Variants in DCAF6 observed in about 807,000 individuals in gnomAD.
DCAF6 encodes the protein DDB1- and CUL4-associated factor 6.
A neutral mutation model predicts 125.1 loss-of-function variants in DCAF6; 54 were observed. The observed-to-expected ratio is 0.43, with a 90% CI of 0.35 to 0.54. The LOEUF is 0.54. Among genes scored for constraint, DCAF6 ranks in the 20% least tolerant of loss-of-function variants. The pLI is 0.01. For synonymous variants in DCAF6, 371 were observed against 390.4 expected, an observed-to-expected ratio of 0.95 and a Z score of 0.58; for missense variants, 934 against 1,161.7, an observed-to-expected ratio of 0.80 and a Z score of 2.85.
the DCAF6 span, chr1:167,903,777 G>A: frequency 1.3e-6 from 1 of 776,480 alleles, no homozygotes; most frequent in Non-Finnish European, 2.3e-6. Flanking sequence ...CATTTCATGG[G>A]GAAGAGGAGG....
chr1:168,024,782 C>T (rs1686122536), intron 12 of DCAF6, among the ~76,000 whole-genome samples: 1 of 143,210 alleles, frequency 7.0e-6, no homozygotes, highest in Non-Finnish European at 1.5e-5. Flanking sequence ...CCAGCCTGGG[C>T]AGCAGAGTGA....
At chr1:167,921,558 T>G in the DCAF6 span, among the ~76,000 whole-genome samples, 2 of 152,156 alleles carry the variant, frequency 1.3e-5, no homozygotes. Context: ...CATCAGCATA[T>G]ACATGGCCAT....
At chr1:168,054,459 C>CT (rs773595864) in intron 17 of DCAF6, among the ~76,000 whole-genome samples, 1 of 152,148 alleles carries the variant, frequency 6.6e-6, no homozygotes, top group Non-Finnish European at 1.5e-5. Flanking sequence ...ATCCAATCAC[C>CT]TTTTAAAGAC....
At chr1:167,898,804 C>T in the DCAF6 span, among the ~76,000 whole-genome samples, 1 of 152,164 alleles carries the variant, frequency 6.6e-6, no homozygotes, top group Admixed American at 6.5e-5. Context: ...TTCTTTCTGC[C>T]GCGTAGTCCC....
the DCAF6 span, chr1:167,904,948 G>A: frequency 1.2e-6 from 2 of 1,613,870 alleles, no homozygotes; most frequent in Admixed American, 1.7e-5. Context: ...TCCCACGCGA[G>A]CCTGTTGCTC....
chr1:167,924,580 A>G, the DCAF6 span: 1 of 1,399,788 alleles, frequency 7.1e-7, no homozygotes, highest in South Asian at 1.4e-5. Context: ...TAAACCAAAT[A>G]TATTATACAC....
chr1:168,000,567 A>C (rs1356331357), intron 7 of DCAF6, among the ~76,000 whole-genome samples: 1 of 152,186 alleles, frequency 6.6e-6, no homozygotes, highest in Non-Finnish European at 1.5e-5. Flanking sequence ...TGCTTAATTC[A>C]GCATTATTCA....
intron 12 of DCAF6, among the ~76,000 whole-genome samples, chr1:168,033,922 C>T (rs1285686812): frequency 1.3e-5 from 2 of 152,186 alleles, no homozygotes; most frequent in Non-Finnish European, 2.9e-5. Flanking sequence ...GTGCTGAGCA[C>T]ACTACAAATA....
At chr1:167,982,926 C>T (rs1254057528) in intron 4 of DCAF6, among the ~76,000 whole-genome samples, 1 of 152,128 alleles carries the variant, frequency 6.6e-6, no homozygotes, top group African/African-American at 2.4e-5. Flanking sequence ...GGAGTCCTTT[C>T]CCCATTGCTT....
chr1:167,941,744 T>G (rs980629047), intron 1 of DCAF6, among the ~76,000 whole-genome samples: 1 of 152,224 alleles, frequency 6.6e-6, no homozygotes, highest in Admixed American at 6.5e-5. Flanking sequence ...TAAAAAAATT[T>G]TTTTTTAAAC....
the DCAF6 span, among the ~76,000 whole-genome samples, chr1:167,879,389 C>T: frequency 3.5e-4 from 53 of 152,216 alleles, 1 homozygote; most frequent in Non-Finnish European, 6.5e-4. Context: ...GTCACTTTAA[C>T]ATAAACTTGA....
chr1:168,072,236 G>A (rs2102024803), intron 21 of DCAF6, among the ~76,000 whole-genome samples: 1 of 130,820 alleles, frequency 7.6e-6, no homozygotes, highest in Admixed American at 9.2e-5. Flanking sequence ...GGTGGAGGTT[G>A]TAGTGAGCCG....
chr1:168,074,080 TA>T (rs1693500245), intron 21 of DCAF6, among the ~76,000 whole-genome samples: 1 of 151,730 alleles, frequency 6.6e-6, no homozygotes, highest in Non-Finnish European at 1.5e-5. Context: ...ATTAAGGTTA[TA>T]AAGGTTACAC....
At chr1:167,920,686 T>C in the DCAF6 span, 1 of 1,525,858 alleles carries the variant, frequency 6.6e-7, no homozygotes, top group Non-Finnish European at 8.9e-7. Flanking sequence ...AGTAATAGTT[T>C]TAACTTTAAA....
chr1:168,075,257 C>A, intron 21 of DCAF6, 114 bp from the exon 22 acceptor site: 1 of 923,904 alleles, frequency 1.1e-6, no homozygotes, highest in Non-Finnish European at 1.6e-6. Context: ...AAGACATCCA[C>A]ACATAGTGGT....
chr1:167,982,907 A>G (rs1238830132), intron 4 of DCAF6, among the ~76,000 whole-genome samples: 2 of 152,164 alleles, frequency 1.3e-5, no homozygotes, highest in African/African-American at 4.8e-5. Flanking sequence ...AGCACCATTT[A>G]TTTAATAGGG....
chr1:167,935,916 C>T, upstream of DCAF6: 1 of 1,176,196 alleles, frequency 8.5e-7, no homozygotes, highest in Non-Finnish European at 1.2e-6. Context: ...CGAAGGGGAG[C>T]TAGTCACTTT....
intron 1 of DCAF6, among the ~76,000 whole-genome samples, chr1:167,948,057 T>G (rs556315116): frequency 1.3e-5 from 2 of 152,236 alleles, no homozygotes; most frequent in East Asian, 3.9e-4. Flanking sequence ...CAGTGTCGGG[T>G]GCAAATATGT....
rs759726214 is a variant in DCAF6 at position 168,043,034 on chromosome 1, A to G, written c.1737A>G (p.Ile579Met). The G allele has an allele frequency of 2.5e-6, 4 of 1,609,788 alleles. No individual in the cohort carries two copies. The highest frequency in any genetic ancestry group is 1.7e-5 in the Admixed American group (1 of 59,774). ...KLNFTDEWSS[I>M]ASSSRGIGSH... Reference sequence around the variant, plus strand: ...CTTGTTTTGATGATAGGAGCAGTATAGCATCAAGTTCTAGAGGAATTGGGA... The same window carrying G: ...CTTGTTTTGATGATAGGAGCAGTATGGCATCAAGTTCTAGAGGAATTGGGA... Residue 579 changes from isoleucine to methionine, a missense_variant, in exon 14 of 22, where the codon ATA (isoleucine) becomes ATG (methionine). Ile to Met is a conservative substitution (Grantham distance 10, BLOSUM62 1). This residue lies in a region of DCAF6 where 559 missense variants were observed against 635.5 expected (regional missense o/e 0.88). Coordinates refer to ENST00000367840, the MANE Select transcript of DCAF6 (RefSeq NM_001198956.2).
Sources: gnomAD v4.1 joint callset for allele counts (sites outside exome capture counted in the v4.1 genomes callset) on GRCh38, gnomAD v4.1.1 for gene constraint, gnomAD v4.1.1 regional missense constraint, MANE v1.5 for transcripts, NCBI Gene and HGNC (gene_info 2026-07-23, HGNC 2026-07-21) for gene names.